The following NRG1 variants were observed in gnomAD, a reference collection of about 807,000 sequenced individuals.
NRG1 encodes pro-neuregulin-1, membrane-bound isoform.
In NRG1, 18 loss-of-function variants were observed where a neutral mutation model predicts 63.8. The ratio of observed to expected loss-of-function variants is 0.28; its 90% CI spans 0.19 to 0.42. NRG1 has a LOEUF of 0.42. Ranked by LOEUF, NRG1 falls within the 10% of genes least tolerant of loss-of-function variation. The probability of loss-of-function intolerance (pLI) is 1.00; values close to 1 mark genes in which losing one functional copy is unlikely to be tolerated. For synonymous variants in NRG1, 302 were observed against 301.3 expected, an observed-to-expected ratio of 1.00 and a Z score of -0.02; for missense variants, 762 against 814.7, an observed-to-expected ratio of 0.94 and a Z score of 0.79.
At chr8:32,555,538 C>T (rs1834963174) in intron 1 of NRG1, among the ~76,000 whole-genome samples, 1 of 152,320 alleles carries the variant, frequency 6.6e-6, no homozygotes, top group African/African-American at 2.4e-5. Flanking sequence ...GTGGTGCCAT[C>T]TCGACTCACT....
At chr8:31,652,503 G>T (rs565219897) in intron 1 of NRG1, among the ~76,000 whole-genome samples, 1 of 152,178 alleles carries the variant, frequency 6.6e-6, no homozygotes, top group African/African-American at 2.4e-5. Flanking sequence ...AAGTGTTCTT[G>T]TCCAGTTCTT....
chr8:31,955,798 G>A (rs897731141), intron 1 of NRG1, among the ~76,000 whole-genome samples: 4 of 151,884 alleles, frequency 2.6e-5, no homozygotes, highest in African/African-American at 9.7e-5. Flanking sequence ...AGCACTTTGG[G>A]AGGCTGAAGC....
At position 31,640,066 on chromosome 8, in the gene NRG1, C is replaced by A; in HGVS notation, c.37+635C>A. 8.8e-7 allele frequency: 1 copy of A among 1,136,180 alleles called. No homozygotes were observed. The highest frequency in any genetic ancestry group is 1.1e-6 in the Non-Finnish European group (1 of 928,144). 70.4% of individuals were successfully genotyped at this position (1,136,180 alleles called of 1,614,324 possible). On this transcript the variant is annotated intron_variant, in intron 1 of 10. Transcript: ENST00000519301. The surrounding 1 kb of genome is among the most constrained non-coding windows in gnomAD (Gnocchi z 6.3). Reference sequence around the variant, plus strand: ...CCCCGGCTCCGCCGCCCGCTCGTCGCCGCCGCTGCCGCTGCTGCCACTACT... The same window carrying A: ...CCCCGGCTCCGCCGCCCGCTCGTCGACGCCGCTGCCGCTGCTGCCACTACT...
At chr8:32,301,928 C>A (rs1855614932) in intron 1 of NRG1, among the ~76,000 whole-genome samples, 1 of 152,126 alleles carries the variant, frequency 6.6e-6, no homozygotes, top group Non-Finnish European at 1.5e-5. Context: ...GTATAAGTAA[C>A]TGAAGAGAAG....
intron 1 of NRG1, among the ~76,000 whole-genome samples, chr8:31,976,391 C>A (rs532343551): frequency 6.6e-6 from 1 of 152,100 alleles, no homozygotes; most frequent in African/African-American, 2.4e-5. Context: ...ATTAGCTAAT[C>A]TGTATATTAA....
In NRG1 at chr8:32,316,859, T is replaced by TAATC. The variant is rs1473178213; in HGVS notation, c.38-278967_38-278964dup. ...ATTAGGAAATTTAAATGAATTAGTG[T>TAATC]AATCAGCTGAGATAGTACTTGAAAG... On this transcript the variant is annotated intron_variant, in intron 1 of 10. Coordinates refer to the NRG1 transcript ENST00000519301. 2.6e-5 allele frequency among the ~76,000 whole-genome samples: 4 copies of TAATC among 152,134 alleles called. No individual in the cohort carries two copies. The East Asian group carries it at 7.7e-4, about 29-fold the overall frequency.
At chr8:32,255,416 G>T (rs1317042540) in intron 1 of NRG1, among the ~76,000 whole-genome samples, 3 of 152,254 alleles carry the variant, frequency 2.0e-5, no homozygotes, top group South Asian at 4.1e-4. Context: ...GCATTTGTTT[G>T]TCTGTAAAGG....
At chr8:31,648,126 T>C (rs1357019736) in intron 1 of NRG1, among the ~76,000 whole-genome samples, 57 of 35,508 alleles carry the variant, frequency 1.6e-3, no homozygotes, top group African/African-American at 2.8e-3. Flanking sequence ...TGACTACTCT[T>C]TTTTTTTTTT....
At chr8:31,812,788 G>T (rs894435181) in intron 1 of NRG1, among the ~76,000 whole-genome samples, 18 of 152,170 alleles carry the variant, frequency 1.2e-4, no homozygotes, top group Admixed American at 4.6e-4. Flanking sequence ...CAACAGAAAA[G>T]GAATTGAAAT....
chr8:32,734,910 A>C (rs898077385), intron 6 of NRG1, among the ~76,000 whole-genome samples: 2 of 152,184 alleles, frequency 1.3e-5, no homozygotes, highest in Non-Finnish European at 2.9e-5. Flanking sequence ...CTACAGACAA[A>C]GTAGTGAACA....
intron 1 of NRG1, among the ~76,000 whole-genome samples, chr8:32,189,049 A>G (rs955539830): frequency 2.0e-5 from 3 of 152,174 alleles, no homozygotes; most frequent in African/African-American, 7.2e-5. Context: ...GCATCTTGAT[A>G]TTAGCCTGGG....
At chr8:32,613,924 C>G (rs969375350) in intron 3 of NRG1, among the ~76,000 whole-genome samples, 2 of 151,998 alleles carry the variant, frequency 1.3e-5, no homozygotes, top group Non-Finnish European at 2.9e-5. Flanking sequence ...CAGAAGTATA[C>G]AGGTTGGATT....
intron 1 of NRG1, among the ~76,000 whole-genome samples, chr8:32,265,898 T>C (rs1295435727): frequency 6.6e-6 from 1 of 152,056 alleles, no homozygotes; most frequent in Non-Finnish European, 1.5e-5. Flanking sequence ...TAGATAGCAT[T>C]TATGTTATAT....
intron 1 of NRG1, among the ~76,000 whole-genome samples, chr8:32,435,344 G>A (rs1818656303): frequency 6.6e-6 from 1 of 152,116 alleles, no homozygotes; most frequent in Non-Finnish European, 1.5e-5. Context: ...TTATATTTAA[G>A]AGCACCTTTA....
chr8:32,237,440 T>C (rs985384561), intron 1 of NRG1, among the ~76,000 whole-genome samples: 1 of 152,188 alleles, frequency 6.6e-6, no homozygotes, highest in Admixed American at 6.5e-5. Context: ...TTTACATCTC[T>C]TACTTAACTA....
At chr8:32,393,404 A>AT (rs1812027249) in intron 1 of NRG1, among the ~76,000 whole-genome samples, 1 of 152,212 alleles carries the variant, frequency 6.6e-6, no homozygotes, top group African/African-American at 2.4e-5. Flanking sequence ...AAAGGAATAT[A>AT]ACTGTTCTAC....
chr8:31,660,173 C>G (rs546954075), intron 1 of NRG1, among the ~76,000 whole-genome samples: 110 of 152,306 alleles, frequency 7.2e-4, no homozygotes, highest in African/African-American at 2.5e-3. Flanking sequence ...TTTCTCCCTG[C>G]CCTCCGTAAT....
intron 1 of NRG1, among the ~76,000 whole-genome samples, chr8:31,750,554 G>A (rs759319333): frequency 3.9e-5 from 6 of 151,924 alleles, no homozygotes; most frequent in South Asian, 2.1e-4. Context: ...AACAGTGGAC[G>A]TAATCAGTAG....
intron 1 of NRG1, among the ~76,000 whole-genome samples, chr8:32,555,626 C>T (rs577113027): frequency 2.0e-5 from 3 of 149,756 alleles, no homozygotes; most frequent in East Asian, 1.9e-4. Flanking sequence ...CGCCCACCAC[C>T]ACGCCCGGCT....
Sources: allele counts gnomAD v4.1 joint callset (sites outside exome capture counted in the v4.1 genomes callset), GRCh38; gene constraint gnomAD v4.1.1; non-coding constraint Gnocchi (gnomAD v3.1); transcripts MANE v1.5; gene names NCBI Gene and HGNC (gene_info 2026-07-23, HGNC 2026-07-21).